Variants in DCAF5 observed in about 807,000 individuals in gnomAD.
DCAF5 encodes DDB1- and CUL4-associated factor 5.
DCAF5 carries 9 observed loss-of-function variants against 80.7 expected under a neutral mutation model. The ratio of observed to expected loss-of-function variants is 0.11; its 90% CI spans 0.07 to 0.19. DCAF5 has a LOEUF of 0.19. DCAF5 is among the 10% of genes least tolerant of loss of function. DCAF5 has a pLI of 1.00. For synonymous variants in DCAF5, 433 were observed against 461.9 expected (o/e 0.94, Z 0.80); for missense variants, 842 against 1,205.7 (o/e 0.70, Z 4.47).
At chr14:69,071,389 C>G (rs889704568) in intron 7 of DCAF5, among the ~76,000 whole-genome samples, 2 of 152,152 alleles carry the variant, frequency 1.3e-5, no homozygotes, top group African/African-American at 4.8e-5. Flanking sequence ...TTGGCTCACA[C>G]TCAGGACCAC....
chr14:69,111,604 T>TGA (rs1234583957), intron 5 of DCAF5, among the ~76,000 whole-genome samples: 4 of 151,560 alleles, frequency 2.6e-5, no homozygotes, highest in African/African-American at 9.7e-5. Flanking sequence ...ACAAGTAGAG[T>TGA]GAGAGCAGGG....
chr14:69,152,700 G>A lies in DCAF5; in HGVS notation c.214+65C>T. 8.0e-7 allele frequency: 1 copy of A among 1,257,006 alleles called. No individual in the cohort carries two copies. Among genetic ancestry groups the A allele is most frequent in the Non-Finnish European group, 1.1e-6 (1 of 900,064 alleles). 77.9% of individuals were successfully genotyped at this position (1,257,006 alleles called of 1,614,324 possible). A position where few individuals can be genotyped will look rare whatever the true frequency, so the allele number is the denominator to read the frequency against. ...AGAGGGCAGGAGGAGGGTGACGGGG[G>A]AGAGCGAGAGGGGGAGGCTGGGAGG... On this transcript the variant is annotated intron_variant, in intron 1 of 8. Coordinates refer to ENST00000341516, the MANE Select transcript of DCAF5 (RefSeq NM_003861.3). This position sits in a 1 kb window ranked among gnomAD's most constrained non-coding sequence, Gnocchi z 4.1.
rs2037812227 is a variant in DCAF5, at chr14:69,053,034, G to A, written c.*823C>T. ...TGCTGGCCTTGTGAGTGCCTCTTAG[G>A]ATCTAGCACCTAACTGGTTAAAGTC... is the stretch of plus-strand genomic sequence containing the variant. On this transcript the variant is annotated 3_prime_UTR_variant, in exon 9 of 9. Coordinates refer to ENST00000341516, the MANE Select transcript of DCAF5 (RefSeq NM_003861.3). 1 of 152,196 alleles carries A rather than the reference G, an allele frequency of 6.6e-6. No homozygotes were observed. Among genetic ancestry groups the A allele is most frequent in the African/African-American group, 2.4e-5 (1 of 41,444 alleles). The allele number at this position is 152,196 out of a possible 1,614,324, so 9.4% of individuals were successfully genotyped here. A position where few individuals can be genotyped will look rare whatever the true frequency, so the allele number is the denominator to read the frequency against.
At chr14:69,112,286 G>T (rs2040395456) in intron 5 of DCAF5, among the ~76,000 whole-genome samples, 1 of 152,084 alleles carries the variant, frequency 6.6e-6, no homozygotes, top group Non-Finnish European at 1.5e-5. Context: ...CAGTGAAAAA[G>T]GGTTTAACTT....
intron 1 of DCAF5, among the ~76,000 whole-genome samples, chr14:69,146,499 C>T (rs896488729): frequency 1.3e-5 from 2 of 152,274 alleles, no homozygotes; most frequent in Admixed American, 1.3e-4. Context: ...GCCATCTCTA[C>T]AGGCCTTCTT....
chr14:69,070,714 T>G (rs1011541406), intron 7 of DCAF5, among the ~76,000 whole-genome samples: 7 of 152,226 alleles, frequency 4.6e-5, no homozygotes, highest in Non-Finnish European at 8.8e-5. Context: ...GTCTTAGACA[T>G]ATTCCAATGG....
At chr14:69,056,551 C>G (rs961426868) in intron 8 of DCAF5, among the ~76,000 whole-genome samples, 1 of 152,216 alleles carries the variant, frequency 6.6e-6, no homozygotes, top group Non-Finnish European at 1.5e-5. Flanking sequence ...TTCACAGCAG[C>G]ACAGAGCAGC....
chr14:69,121,503 T>C (rs761474613), intron 2 of DCAF5, among the ~76,000 whole-genome samples: 2 of 152,230 alleles, frequency 1.3e-5, no homozygotes, highest in African/African-American at 4.8e-5. Flanking sequence ...TTCTTAAAGT[T>C]AAACCTAATA....
chr14:69,054,724 T>G lies in DCAF5; in HGVS notation c.1962A>C (p.Glu654Asp). The G allele has an allele frequency of 6.2e-7, 1 of 1,614,244 alleles. No homozygotes were observed. Among genetic ancestry groups the G allele is most frequent in the Non-Finnish European group, 8.5e-7 (1 of 1,180,046 alleles). The part of the protein sequence containing the change: ...PSRASPTSDI[E>D]SVERKIYKAY... ...CTTTATAAATTTTTCGCTCAACTGA[T>G]TCTATGTCAGAAGTTGGTGATGCCC... The change falls in exon 9 of 9, where the codon GAA (glutamate) becomes GAC (aspartate). Residue 654 changes from glutamate to aspartate, a missense_variant. Glu to Asp is a conservative substitution (Grantham distance 45, BLOSUM62 2). This residue lies in a region of DCAF5 where 607 missense variants were observed against 656.6 expected (regional missense o/e 0.92). Coordinates refer to ENST00000341516, the MANE Select transcript of DCAF5 (RefSeq NM_003861.3).
At chr14:69,084,115 C>A in intron 6 of DCAF5, 1 of 821,382 alleles carries the variant, frequency 1.2e-6, no homozygotes. Flanking sequence ...AGTTAAATTT[C>A]ATGCCCAGGA....
intron 6 of DCAF5, chr14:69,084,244 T>C (rs2039230123): frequency 9.0e-6 from 9 of 999,102 alleles, no homozygotes; most frequent in Non-Finnish European, 8.0e-6. Flanking sequence ...TGGGTGGCAG[T>C]AATAGATCTG....
chr14:69,083,865 G>A (rs1253403267), intron 6 of DCAF5: 10 of 756,152 alleles, frequency 1.3e-5, no homozygotes, highest in Non-Finnish European at 2.4e-5. Context: ...ATGACAGTGA[G>A]ATGCCCAGCC....
chr14:69,112,876 G>T (rs1233611353), intron 5 of DCAF5, among the ~76,000 whole-genome samples: 1 of 152,088 alleles, frequency 6.6e-6, no homozygotes, highest in African/African-American at 2.4e-5. Flanking sequence ...CTGTAACCAA[G>T]AAGTATGGCT....
chr14:69,144,408 T>C (rs1318605639), intron 1 of DCAF5, among the ~76,000 whole-genome samples: 3 of 151,834 alleles, frequency 2.0e-5, no homozygotes, highest in Non-Finnish European at 2.9e-5. Context: ...CCGTCTCTAC[T>C]AAAAATACAA....
At position 69,153,065 on chromosome 14, in the gene DCAF5, C is replaced by T. The variant is rs914405635; in HGVS notation, c.-87G>A. ...CTGCTCCCCCCACCCGGCCCTCCCC[C>T]CGCGCTGCGATCCGGATGGTTCTTT... On this transcript the variant is annotated 5_prime_UTR_variant, in exon 1 of 9. Coordinates refer to ENST00000341516, the MANE Select transcript of DCAF5 (RefSeq NM_003861.3). The T allele has an allele frequency of 1.1e-5, 12 of 1,070,820 alleles. No individual in the cohort carries two copies. In the Admixed American group the frequency reaches 4.3e-4, roughly 38 times the overall value. The allele number at this position is 1,070,820 out of a possible 1,614,324, so 66.3% of individuals were successfully genotyped here.
intron 5 of DCAF5, among the ~76,000 whole-genome samples, chr14:69,101,746 CT>C (rs2039959356): frequency 6.6e-6 from 1 of 152,130 alleles, no homozygotes. Flanking sequence ...GTGGTATAAC[CT>C]AGGCTACAAA....
At chr14:69,117,156 C>T (rs781432404) in intron 4 of DCAF5, among the ~76,000 whole-genome samples, 1 of 152,166 alleles carries the variant, frequency 6.6e-6, no homozygotes, top group Non-Finnish European at 1.5e-5. Flanking sequence ...AAAGAAAGCA[C>T]TTCTCAGTCT....
At chr14:69,068,591 A>T (rs1226078691) in intron 7 of DCAF5, among the ~76,000 whole-genome samples, 2 of 151,806 alleles carry the variant, frequency 1.3e-5, no homozygotes, top group Non-Finnish European at 2.9e-5. Context: ...CCAGCTACTC[A>T]GGAGGCTGAG....
intron 7 of DCAF5, among the ~76,000 whole-genome samples, chr14:69,072,675 A>G (rs1295233937): frequency 1.3e-5 from 2 of 151,412 alleles, no homozygotes; most frequent in Non-Finnish European, 1.5e-5. Flanking sequence ...TGTGGGTGGG[A>G]TCTGTAAGAA....
Sources: gnomAD v4.1 joint callset for allele counts (sites outside exome capture counted in the v4.1 genomes callset) on GRCh38, gnomAD v4.1.1 for gene constraint, gnomAD v4.1.1 regional missense constraint, Gnocchi (gnomAD v3.1) non-coding constraint, MANE v1.5 for transcripts, NCBI Gene and HGNC (gene_info 2026-07-23, HGNC 2026-07-21) for gene names.